Variants in SETX observed in about 807,000 individuals in gnomAD.
The protein encoded by SETX is senataxin, also known as helicase senataxin.
Under a neutral mutation model 227.2 loss-of-function variants are expected in SETX, and 90 were observed. That is an observed-to-expected ratio of 0.40 (90% CI 0.33 to 0.47). SETX has a LOEUF of 0.47. Among genes scored for constraint, SETX ranks in the 20% least tolerant of loss-of-function variants. SETX has a pLI of 0.91. For synonymous variants in SETX, 1,210 were observed against 1,113.2 expected (o/e 1.09, Z -1.73); for missense variants, 3,052 against 3,181.5 (o/e 0.96, Z 0.98).
At chr9:132,273,327 T>C (rs1376611060) in intron 23 of SETX, among the ~76,000 whole-genome samples, 2 of 152,144 alleles carry the variant, frequency 1.3e-5, no homozygotes, top group Admixed American at 6.5e-5. Flanking sequence ...CATGCCCAAC[T>C]GATTTTTGTA....
intron 11 of SETX, among the ~76,000 whole-genome samples, chr9:132,301,193 C>T (rs1445999740): frequency 1.3e-5 from 2 of 149,346 alleles, no homozygotes; most frequent in African/African-American, 4.9e-5. Context: ...CCCAGGTTCT[C>T]GCCATTCTCC....
chr9:132,298,029 T>G, intron 13 of SETX, 51 bp downstream of exon 13: 1 of 1,463,048 alleles, frequency 6.8e-7, no homozygotes, highest in African/African-American at 1.4e-5. Context: ...AAAAATATGA[T>G]GCTTTAACAT....
At position 132,264,185 on chromosome 9, in the gene SETX, GTCA is replaced by G; in HGVS notation, c.*51_*53del. 6.2e-7 allele frequency: 1 copy of G among 1,610,844 alleles called. No homozygotes were observed. Among genetic ancestry groups the G allele is most frequent in the Non-Finnish European group, 8.5e-7 (1 of 1,179,506 alleles). ...CTTATCTAGATGGTCCCACGAGCTG[GTCA>G]TCTTCAGTTTACAATATGCTGTGGC... On this transcript the variant is annotated 3_prime_UTR_variant, in exon 26 of 26. Transcript: ENST00000224140.
Position 132,342,671 on chromosome 9 carries a change from G to T in SETX, c.498+19C>A. On this transcript the variant is annotated intron_variant, in intron 5 of 25. Transcript: ENST00000224140. ...CAAAAGCACAATATACCCTTCTATC[G>T]CCCAACACTCACACTCACCATTTCA... 1 of 1,503,408 alleles carries T rather than the reference G, an allele frequency of 6.7e-7. No homozygotes were observed. The allele number at this position is 1,503,408 out of a possible 1,614,324, so 93.1% of individuals were successfully genotyped here.
Position 132,328,430 on chromosome 9 carries a change from CTTACTA to C in SETX, c.3162_3167del (p.Asn1054_Ser1055del), listed in dbSNP as rs576141809. 1.2e-4 allele frequency: 190 copies of C among 1,613,840 alleles called. 2 individuals are homozygous for C. In the East Asian group the frequency reaches 3.1e-3, roughly 26 times the overall value. On this transcript the variant is annotated inframe_deletion, in exon 10 of 26. Coordinates refer to ENST00000224140, the MANE Select transcript of SETX (RefSeq NM_015046.7). ...CTTCCTTTACTGGATTCTTTTCCTCCTTACTATTAACTGTTGAAACGTGCTGCTCTG... is the reference window on the plus strand; with the variant it reads ...CTTCCTTTACTGGATTCTTTTCCTCCTTAACTGTTGAAACGTGCTGCTCTG...
chr9:132,325,280 C>G (rs1420969425), intron 10 of SETX, among the ~76,000 whole-genome samples: 3 of 151,866 alleles, frequency 2.0e-5, no homozygotes, highest in Non-Finnish European at 4.4e-5. Flanking sequence ...AGCCTGAACC[C>G]GGGAGGCAGA....
chr9:132,279,624 C>T (rs1385744223), intron 20 of SETX, among the ~76,000 whole-genome samples: 1 of 152,138 alleles, frequency 6.6e-6, no homozygotes, highest in Non-Finnish European at 1.5e-5. Flanking sequence ...TGATTTTAAA[C>T]AGGTTTGTGA....
chr9:132,310,802 T>C (rs1311208578), intron 11 of SETX, among the ~76,000 whole-genome samples: 1 of 152,222 alleles, frequency 6.6e-6, no homozygotes, highest in South Asian at 2.1e-4. Flanking sequence ...CCTCTTCATC[T>C]ATCTACTGAG....
Position 132,271,746 on chromosome 9 carries a change from G to GT in SETX, c.7162dup (p.Thr2388AsnfsTer7), listed in dbSNP as rs756100217. ...TTGGATGCTATTTGCTCTGACACAC[G>GT]TAACAATAACACAATCCTTCTGCCG... On this transcript the variant is annotated frameshift_variant, in exon 24 of 26. Coordinates refer to ENST00000224140, the MANE Select transcript of SETX (RefSeq NM_015046.7). LOFTEE classifies it high-confidence loss of function. The GT allele has an allele frequency of 1.9e-6, 3 of 1,614,028 alleles. No individual in the cohort carries two copies. Among genetic ancestry groups the GT allele is most frequent in the East Asian group, 2.2e-5 (1 of 44,888 alleles).
Position 132,327,489 on chromosome 9 carries a change from C to T in SETX, c.4109G>A (p.Ser1370Asn), listed in dbSNP as rs756561642. ...KNRRRLSDCE[S>N]TDVKRAGSHT... ...TGACCCTGCTCTTTTAACATCTGTACTTTCACAATCAGAAAGTCTTCGTCT... is the reference window on the plus strand; with the variant it reads ...TGACCCTGCTCTTTTAACATCTGTATTTTCACAATCAGAAAGTCTTCGTCT... Residue 1370 changes from serine (S) to asparagine (N), a missense_variant, in exon 10 of 26, where the codon AGT becomes AAT. Physicochemically the swap from Ser to Asn is conservative, Grantham distance 46 (BLOSUM62 1). Coordinates refer to ENST00000224140, the MANE Select transcript of SETX (RefSeq NM_015046.7). 1.3e-5 allele frequency: 21 copies of T among 1,614,000 alleles called. No individual in the cohort carries two copies. Among genetic ancestry groups the T allele is most frequent in the Middle Eastern group, 1.6e-4 (1 of 6,084 alleles).
At chr9:132,322,023 C>T (rs1403648982) in intron 10 of SETX, among the ~76,000 whole-genome samples, 1 of 152,098 alleles carries the variant, frequency 6.6e-6, no homozygotes, top group Non-Finnish European at 1.5e-5. Context: ...AGCACAAAAC[C>T]TTACCATGAA....
At chr9:132,336,641 G>T (rs1847640672) in intron 5 of SETX, 126 bp from the exon 6 acceptor site, 14 of 745,364 alleles carry the variant, frequency 1.9e-5, no homozygotes, top group Non-Finnish European at 3.1e-5. Flanking sequence ...TTAATGCAAT[G>T]TGTGGACCTT....
chr9:132,333,759 C>G (rs1162173170), intron 7 of SETX, among the ~76,000 whole-genome samples: 1 of 152,076 alleles, frequency 6.6e-6, no homozygotes, highest in Non-Finnish European at 1.5e-5. Context: ...CTATCTGGAG[C>G]AGCATATCCA....
intron 11 of SETX, among the ~76,000 whole-genome samples, chr9:132,301,754 C>A (rs891657079): frequency 2.6e-5 from 4 of 152,078 alleles, no homozygotes; most frequent in African/African-American, 7.2e-5. Context: ...AGAATGTATC[C>A]CCATCATTAA....
upstream of SETX, among the ~76,000 whole-genome samples, chr9:132,356,000 A>G (rs867874168): frequency 2.4e-4 from 36 of 149,304 alleles, no homozygotes; most frequent in Middle Eastern, 3.4e-3. Context: ...AAAAAAAAAA[A>G]AAAAAAAAAA....
chr9:132,286,841 AC>A (rs1263322300), intron 17 of SETX, among the ~76,000 whole-genome samples: 9 of 152,192 alleles, frequency 5.9e-5, no homozygotes, highest in Admixed American at 3.9e-4. Flanking sequence ...CCAATCATGC[AC>A]CCATCTTCTT....
intron 4 of SETX, among the ~76,000 whole-genome samples, chr9:132,343,324 C>G (rs1244658545): frequency 6.6e-6 from 1 of 151,700 alleles, no homozygotes; most frequent in Non-Finnish European, 1.5e-5. Flanking sequence ...CATCTCAAAA[C>G]AACAACAAAA....
chr9:132,286,319 C>A, intron 18 of SETX, 104 bp downstream of exon 18: 3 of 863,320 alleles, frequency 3.5e-6, no homozygotes, highest in Non-Finnish European at 3.6e-6. Context: ...GACTCTGTCT[C>A]CAAAATAAAT....
Position 132,330,150 on chromosome 9 carries a change from T to G in SETX, c.1448A>C (p.Gln483Pro). The G allele has an allele frequency of 1.2e-6, 2 of 1,608,782 alleles. No individual in the cohort carries two copies. The highest frequency in any genetic ancestry group is 2.2e-5 in the South Asian group (2 of 90,820). ...KCLHLLWVSS[Q>P]QWVEAVVKCA... The stretch of plus-strand genomic sequence containing the variant: ...TTTGACGACGGCTTCCACCCATTGC[T>G]GGGAACTTACCCACAGCAAATGCAA... Residue 483 changes from glutamine to proline, a missense_variant, in exon 10 of 26, where the codon CAG becomes CCG. By Grantham distance (76) the Gln-to-Pro change is moderately conservative (BLOSUM62 -1). Transcript: ENST00000224140.
Sources: allele counts gnomAD v4.1 joint callset (sites outside exome capture counted in the v4.1 genomes callset), GRCh38; gene constraint gnomAD v4.1.1; transcripts MANE v1.5; gene names NCBI Gene and HGNC (gene_info 2026-07-23, HGNC 2026-07-21).